FOXP1: variants seen among roughly 807,000 people sequenced by gnomAD.
The protein encoded by FOXP1 is forkhead box P1.
In FOXP1, 15 loss-of-function variants were observed where a neutral mutation model predicts 98.2. The ratio of observed to expected loss-of-function variants is 0.15; its 90% CI spans 0.10 to 0.24. The LOEUF (loss-of-function observed/expected upper bound fraction) is 0.24. Ranked by LOEUF, FOXP1 falls within the 10% of genes least tolerant of loss-of-function variation. FOXP1 has a pLI of 1.00. For synonymous variants in FOXP1, 371 were observed against 314.5 expected, an observed-to-expected ratio of 1.18 and a Z score of -1.90; for missense variants, 633 against 848.5, an observed-to-expected ratio of 0.75 and a Z score of 3.15.
intron 7 of FOXP1, among the ~76,000 whole-genome samples, chr3:71,064,574 G>T (rs907435388): frequency 6.6e-6 from 1 of 151,682 alleles, no homozygotes; most frequent in Non-Finnish European, 1.5e-5. Context: ...GGGTGGGGGG[G>T]TATCTCTCTC....
At chr3:71,238,908 CTGTATTTTCTCATT>C (rs1370091754) in intron 5 of FOXP1, among the ~76,000 whole-genome samples, 4 of 152,200 alleles carry the variant, frequency 2.6e-5, no homozygotes, top group African/African-American at 9.6e-5. Flanking sequence ...GCATTTTCTT[CTGTATTTTCTCATT>C]TGATTTCTTT....
At chr3:71,036,517 A>G (rs1052319509) in intron 11 of FOXP1, among the ~76,000 whole-genome samples, 1 of 152,204 alleles carries the variant, frequency 6.6e-6, no homozygotes, top group African/African-American at 2.4e-5. Context: ...GCTGAACTGA[A>G]AGCAAAAAAG....
chr3:71,289,019 C>T (rs2072469473), intron 5 of FOXP1, among the ~76,000 whole-genome samples: 2 of 148,674 alleles, frequency 1.3e-5, no homozygotes, highest in Non-Finnish European at 3.0e-5. Context: ...CAACTCTCTT[C>T]TTATTTATTT....
At chr3:71,497,304 TTCTA>T (rs1329356748) in intron 2 of FOXP1, among the ~76,000 whole-genome samples, 4 of 152,146 alleles carry the variant, frequency 2.6e-5, no homozygotes, top group Non-Finnish European at 4.4e-5. Context: ...TATAAGGACA[TTCTA>T]AAAGACTTAC....
In FOXP1 at chr3:71,445,013, G is replaced by A. The variant is rs140533616; in HGVS notation, c.-168+48413C>T. 7.4e-4 allele frequency among the ~76,000 whole-genome samples: 113 copies of A among 152,298 alleles called. 2 individuals are homozygous for A. The highest frequency in any genetic ancestry group is 2.4e-3 in the African/African-American group (101 of 41,560). ...AATGTGGCCGGGCAGGGGAAGATGTGCAAGGGAGATCTTTCATTTCAATAA... is the reference window on the plus strand; with the variant it reads ...AATGTGGCCGGGCAGGGGAAGATGTACAAGGGAGATCTTTCATTTCAATAA... On this transcript the variant is annotated intron_variant, in intron 3 of 20. Transcript: ENST00000649528.
At chr3:71,239,121 A>C (rs1172394626) in intron 5 of FOXP1, among the ~76,000 whole-genome samples, 2 of 152,200 alleles carry the variant, frequency 1.3e-5, no homozygotes, top group African/African-American at 4.8e-5. Context: ...CAGTGGGAAT[A>C]TGTGATTGCA....
chr3:71,331,763 G>A (rs1367933454), intron 4 of FOXP1, among the ~76,000 whole-genome samples: 1 of 152,064 alleles, frequency 6.6e-6, no homozygotes, highest in East Asian at 1.9e-4. Context: ...TCTAGCTAAG[G>A]GATTGTAAAT....
At chr3:71,041,652 G>A in intron 10 of FOXP1, 120 bp from the exon 11 acceptor site, 1 of 985,038 alleles carries the variant, frequency 1.0e-6, no homozygotes, top group South Asian at 1.4e-5. Context: ...TTCGGTGTGT[G>A]CAGTTTTTTT....
At chr3:71,009,348 C>T (rs1163052678) in intron 12 of FOXP1, among the ~76,000 whole-genome samples, 3 of 152,086 alleles carry the variant, frequency 2.0e-5, no homozygotes, top group African/African-American at 4.8e-5. Context: ...CAGCCATACT[C>T]GTTCCTTGTT....
At chr3:70,959,482 CACTCTAGA>C (rs2106861817) in intron 20 of FOXP1, 91 bp from the exon 21 acceptor site, 1 of 1,373,430 alleles carries the variant, frequency 7.3e-7, no homozygotes, top group East Asian at 2.3e-5. Flanking sequence ...AGAAAAGCCG[CACTCTAGA>C]ACTAGAACTC....
chr3:71,198,432 G>GGGGGGGGCCCCCCCCCCCGCC, intron 5 of FOXP1, 40 bp from the exon 6 acceptor site: 1 of 491,034 alleles, frequency 2.0e-6, no homozygotes, highest in Non-Finnish European at 4.0e-6. Flanking sequence ...GGGAGGGGGG[G>GGGGGGGGCCCCCCCCCCCGCC]AGAAAAAAAA....
At chr3:71,316,162 A>G (rs1432083369) in intron 4 of FOXP1, among the ~76,000 whole-genome samples, 1 of 152,134 alleles carries the variant, frequency 6.6e-6, no homozygotes, top group African/African-American at 2.4e-5. Context: ...TGGGGTACTC[A>G]GGGATGGTGT....
At chr3:71,236,570 G>A (rs570923582) in intron 5 of FOXP1, among the ~76,000 whole-genome samples, 6 of 152,288 alleles carry the variant, frequency 3.9e-5, no homozygotes, top group South Asian at 2.1e-4. Flanking sequence ...TAGCAGCCAC[G>A]TATAAACAAG....
chr3:71,247,869 A>G (rs1312944874), intron 5 of FOXP1, among the ~76,000 whole-genome samples: 2 of 152,216 alleles, frequency 1.3e-5, no homozygotes, highest in East Asian at 1.9e-4. Context: ...ACATGTCCCA[A>G]GAATGATACT....
chr3:71,523,384 G>A (rs2043134053), intron 2 of FOXP1, among the ~76,000 whole-genome samples: 1 of 152,194 alleles, frequency 6.6e-6, no homozygotes, highest in East Asian at 1.9e-4. Flanking sequence ...CCTCAGTGGG[G>A]ATGGGCCCCA....
chr3:71,112,712 G>C, intron 6 of FOXP1, 75 bp from the exon 7 acceptor site: 2 of 1,125,434 alleles, frequency 1.8e-6, no homozygotes, highest in South Asian at 2.5e-5. Flanking sequence ...AGGATTCCAG[G>C]AAGTGCGCTT....
chr3:71,171,098 C>T (rs959258615), intron 6 of FOXP1, among the ~76,000 whole-genome samples: 2 of 145,174 alleles, frequency 1.4e-5, no homozygotes, highest in African/African-American at 5.1e-5. Flanking sequence ...TACACACTCA[C>T]TTTTTTTTTT....
chr3:71,066,133 A>AATCCC (rs2052479317), intron 7 of FOXP1, among the ~76,000 whole-genome samples: 8 of 151,760 alleles, frequency 5.3e-5, no homozygotes, highest in Admixed American at 2.0e-4. Flanking sequence ...CTGACCCAGT[A>AATCCC]ATCCCAGGAA....
At chr3:71,348,542 T>G (rs749922717) in intron 4 of FOXP1, among the ~76,000 whole-genome samples, 1 of 76,058 alleles carries the variant, frequency 1.3e-5, no homozygotes, top group Non-Finnish European at 3.0e-5. Context: ...TGTGTGTGTG[T>G]GTGTGTGCGT....
Sources: gnomAD v4.1 joint callset for allele counts (sites outside exome capture counted in the v4.1 genomes callset) on GRCh38, gnomAD v4.1.1 for gene constraint, MANE v1.5 for transcripts, NCBI Gene and HGNC (gene_info 2026-07-23, HGNC 2026-07-21) for gene names.